KBTBD11: variants seen among roughly 807,000 people sequenced by gnomAD.
The protein encoded by KBTBD11 is kelch repeat and BTB domain-containing protein 11.
For synonymous variants in KBTBD11, 747 were observed against 499.0 expected, an observed-to-expected ratio of 1.50 and a Z score of -6.63; for missense variants, 1,390 against 1,001.8, an observed-to-expected ratio of 1.39 and a Z score of -5.23.
Position 2,001,709 on chromosome 8 carries a change from G to A in KBTBD11, c.517G>A (p.Val173Met). The A allele has an allele frequency of 1.4e-6, 2 of 1,425,480 alleles. No homozygotes were observed. Among genetic ancestry groups the A allele is most frequent in the African/African-American group, 1.5e-5 (1 of 66,852 alleles). The allele number at this position is 1,425,480 out of a possible 1,614,324, so 88.3% of individuals were successfully genotyped here. A position where few individuals can be genotyped will look rare whatever the true frequency, so the allele number is the denominator to read the frequency against. ...DYFRARASRD[V>M]LRVQGVSLTA... The stretch of plus-strand genomic sequence containing the variant: ...CTTCCGCGCGCGCGCGTCGCGGGAC[G>A]TGCTGCGGGTGCAGGGAGTGAGCCT... Residue 173 changes from valine to methionine, a missense_variant, in exon 2 of 2, where the codon GTG becomes ATG. Val to Met is a conservative substitution (Grantham distance 21). Transcript: ENST00000320248.
intron 1 of KBTBD11, among the ~76,000 whole-genome samples, chr8:1,993,391 G>GTCCATCCA (rs1204845271): frequency 1.0e-4 from 10 of 97,894 alleles, no homozygotes; most frequent in African/African-American, 1.4e-4. Context: ...CCGTCCGTCC[G>GTCCATCCA]TCCATCCATC....
Position 2,002,395 on chromosome 8 carries a change from G to A in KBTBD11, c.1203G>A (p.Ala401=), listed in dbSNP as rs774036238. 30 of 1,479,226 alleles carry A rather than the reference G, an allele frequency of 2.0e-5. 1 individual carries two copies. In the South Asian group the frequency reaches 3.4e-4, roughly 17 times the overall value. The allele number at this position is 1,479,226 out of a possible 1,614,324, so 91.6% of individuals were successfully genotyped here. A position where few individuals can be genotyped will look rare whatever the true frequency, so the allele number is the denominator to read the frequency against. ...GCGCCGTGAGGCCCCTGCGCCAGGCGCGCTCGCAGCTGCGGCTGCTGGCCC... is the reference window on the plus strand; with the variant it reads ...GCGCCGTGAGGCCCCTGCGCCAGGCACGCTCGCAGCTGCGGCTGCTGGCCC... ...SWSAVRPLRQ[A]RSQLRLLALD... Residue 401 remains alanine (A), a synonymous_variant, in exon 2 of 2, where the codon GCG becomes GCA. Transcript: ENST00000320248. This position sits in a 1 kb window ranked among gnomAD's most constrained non-coding sequence, Gnocchi z 4.1.
Position 2,000,926 on chromosome 8 carries a change from T to G in KBTBD11, c.-267T>G. Reference sequence around the variant, plus strand: ...CATTCACCAAGACTTTCTGGGCAGATTTAAAGTGGCTGGGGTTCAGAAGTT... The same window carrying G: ...CATTCACCAAGACTTTCTGGGCAGAGTTAAAGTGGCTGGGGTTCAGAAGTT... On this transcript the variant is annotated 5_prime_UTR_variant, in exon 2 of 2. Transcript: ENST00000320248. The G allele has an allele frequency of 2.1e-5, 8 of 380,740 alleles. No individual in the cohort carries two copies. Among genetic ancestry groups the G allele is most frequent in the East Asian group, 3.8e-5 (1 of 26,004 alleles). The allele number at this position is 380,740 out of a possible 1,614,324, so 23.6% of individuals were successfully genotyped here. A position where few individuals can be genotyped will look rare whatever the true frequency, so the allele number is the denominator to read the frequency against.
In KBTBD11 at chr8:2,001,298, A is replaced by G; in HGVS notation, c.106A>G (p.Ser36Gly). Residue 36 changes from serine (S) to glycine (G), a missense_variant, in exon 2 of 2, where the codon AGT becomes GGT. Physicochemically the swap from Ser to Gly is moderately conservative, Grantham distance 56. Transcript: ENST00000320248. ...GAASPAQTPC[S>G]LGASLCFSSG... ...CGCGTCCCCGGCGCAGACACCCTGCAGTCTCGGCGCGTCCCTGTGCTTCAG... is the reference window on the plus strand; with the variant it reads ...CGCGTCCCCGGCGCAGACACCCTGCGGTCTCGGCGCGTCCCTGTGCTTCAG... The G allele has an allele frequency of 2.6e-6, 4 of 1,525,034 alleles. No homozygotes were observed. The highest frequency in any genetic ancestry group is 3.5e-6 in the Non-Finnish European group (4 of 1,144,662). 94.5% of individuals were successfully genotyped at this position (1,525,034 alleles called of 1,614,324 possible). A position where few individuals can be genotyped will look rare whatever the true frequency, so the allele number is the denominator to read the frequency against.
Position 1,981,353 on chromosome 8 carries a change from A to G in KBTBD11, c.-909+7418A>G, listed in dbSNP as rs1424658216. Reference sequence around the variant, plus strand: ...GTAACATGAAAACATTGAAAAGTGTAAAATTCACTGGTAAATGTAAGTACA... The same window carrying G: ...GTAACATGAAAACATTGAAAAGTGTGAAATTCACTGGTAAATGTAAGTACA... On this transcript the variant is annotated intron_variant, in intron 1 of 1. Transcript: ENST00000320248. 2.6e-5 allele frequency among the ~76,000 whole-genome samples: 4 copies of G among 152,358 alleles called. No individual in the cohort carries two copies. In the East Asian group the frequency reaches 7.7e-4, roughly 29 times the overall value.
chr8:1,977,011 G>A (rs1294206901), intron 1 of KBTBD11, among the ~76,000 whole-genome samples: 2 of 152,130 alleles, frequency 1.3e-5, no homozygotes, highest in Non-Finnish European at 2.9e-5. Flanking sequence ...TGGGCCACGA[G>A]CCACATGTGG....
In KBTBD11 at chr8:2,001,440, C is replaced by T; in HGVS notation, c.248C>T (p.Ala83Val). 3 of 1,352,690 alleles carry T rather than the reference C, an allele frequency of 2.2e-6. No individual in the cohort carries two copies. Among genetic ancestry groups the T allele is most frequent in the African/African-American group, 1.5e-5 (1 of 64,940 alleles). 83.8% of individuals were successfully genotyped at this position (1,352,690 alleles called of 1,614,324 possible). ...VVERQWEAGSAGAASPEELAS... is the reference protein window; with the variant it reads ...VVERQWEAGSVGAASPEELAS... ...GAGCGGCAGTGGGAGGCCGGCAGCG[C>T]GGGCGCCGCGTCCCCGGAGGAGCTC... The change falls in exon 2 of 2, where the codon GCG becomes GTG. Residue 83 changes from alanine to valine, a missense_variant. Coordinates refer to ENST00000320248, the MANE Select transcript of KBTBD11 (RefSeq NM_014867.3).
At chr8:1,996,220 G>T (rs1272471878) in intron 1 of KBTBD11, among the ~76,000 whole-genome samples, 1 of 152,172 alleles carries the variant, frequency 6.6e-6, no homozygotes, top group Admixed American at 6.5e-5. Flanking sequence ...GGGACGCTGT[G>T]GTCTAACAGG....
intron 1 of KBTBD11, among the ~76,000 whole-genome samples, chr8:1,995,997 C>T (rs981515069): frequency 3.9e-5 from 6 of 152,174 alleles, no homozygotes; most frequent in Non-Finnish European, 7.3e-5. Flanking sequence ...GTCCTCCAGC[C>T]TGGATGACAG....
chr8:1,998,729 G>T (rs1320660438), intron 1 of KBTBD11, among the ~76,000 whole-genome samples: 1 of 152,236 alleles, frequency 6.6e-6, no homozygotes, highest in Non-Finnish European at 1.5e-5. Context: ...CAGACATGAG[G>T]TTCATGTGTA....
Position 2,002,468 on chromosome 8 carries a change from G to A in KBTBD11, c.1276G>A (p.Glu426Lys), listed in dbSNP as rs1277559879. ...AVGGECLLSV[E>K]RYDPRADRWA... ...GGGCGGCGAGTGCCTGCTCAGCGTG[G>A]AGCGCTACGACCCGCGCGCCGACCG... Residue 426 changes from glutamate to lysine, a missense_variant, in exon 2 of 2, where the codon GAG becomes AAG. By Grantham distance (56) the Glu-to-Lys change is moderately conservative. Transcript: ENST00000320248. This position sits in a 1 kb window ranked among gnomAD's most constrained non-coding sequence, Gnocchi z 4.1. 6.6e-7 allele frequency: 1 copy of A among 1,511,516 alleles called. No individual in the cohort carries two copies. Among genetic ancestry groups the A allele is most frequent in the East Asian group, 2.6e-5 (1 of 38,474 alleles). 93.6% of individuals were successfully genotyped at this position (1,511,516 alleles called of 1,614,324 possible).
chr8:2,002,401 G>C lies in KBTBD11; in HGVS notation c.1209G>C (p.Ser403=). 1.4e-6 allele frequency: 2 copies of C among 1,479,668 alleles called. No individual in the cohort carries two copies. Among genetic ancestry groups the C allele is most frequent in the Admixed American group, 2.3e-5 (1 of 44,060 alleles). 91.7% of individuals were successfully genotyped at this position (1,479,668 alleles called of 1,614,324 possible). A position where few individuals can be genotyped will look rare whatever the true frequency, so the allele number is the denominator to read the frequency against. The change falls in exon 2 of 2, where the codon TCG becomes TCC. Residue 403 remains serine, a synonymous_variant. Transcript: ENST00000320248. This position sits in a 1 kb window ranked among gnomAD's most constrained non-coding sequence, Gnocchi z 4.1. Reference sequence around the variant, plus strand: ...TGAGGCCCCTGCGCCAGGCGCGCTCGCAGCTGCGGCTGCTGGCCCTGGACG... The same window carrying C: ...TGAGGCCCCTGCGCCAGGCGCGCTCCCAGCTGCGGCTGCTGGCCCTGGACG... ...SAVRPLRQAR[S]QLRLLALDGH... is the part of the protein sequence containing the mutation.
chr8:1,981,662 A>G (rs1462741897), intron 1 of KBTBD11, among the ~76,000 whole-genome samples: 1 of 152,170 alleles, frequency 6.6e-6, no homozygotes, highest in Admixed American at 6.5e-5. Context: ...GATAGAAGAA[A>G]ATGGCAGAAG....
chr8:1,998,974 T>A (rs551780137), intron 1 of KBTBD11, among the ~76,000 whole-genome samples: 4 of 152,338 alleles, frequency 2.6e-5, no homozygotes, highest in South Asian at 2.1e-4. Context: ...TGGGCATGGC[T>A]GGGTGAACAC....
intron 1 of KBTBD11, among the ~76,000 whole-genome samples, chr8:1,985,947 C>G (rs994735977): frequency 1.3e-5 from 2 of 152,228 alleles, no homozygotes; most frequent in African/African-American, 4.8e-5. Flanking sequence ...GGTTTTGCAT[C>G]CACACTCCCG....
chr8:1,993,520 C>T (rs367804564), intron 1 of KBTBD11, among the ~76,000 whole-genome samples: 10,401 of 117,470 alleles, frequency 0.089, 935 homozygotes, highest in Non-Finnish European at 0.12. Context: ...CATCCATCCA[C>T]CCATCCATCC....
chr8:1,995,189 G>A (rs187617468), intron 1 of KBTBD11, among the ~76,000 whole-genome samples: 110 of 151,786 alleles, frequency 7.2e-4, no homozygotes, highest in Non-Finnish European at 1.1e-3. Flanking sequence ...AAACTCCACC[G>A]TGCTGTAGAC....
At chr8:1,990,138 G>C (rs548812476) in intron 1 of KBTBD11, among the ~76,000 whole-genome samples, 1 of 152,366 alleles carries the variant, frequency 6.6e-6, no homozygotes, top group South Asian at 2.1e-4. Flanking sequence ...TGAGCTGTGA[G>C]ACTGAAATGG....
intron 1 of KBTBD11, among the ~76,000 whole-genome samples, chr8:1,982,020 C>G (rs1197157295): frequency 1.3e-5 from 2 of 152,164 alleles, no homozygotes; most frequent in African/African-American, 4.8e-5. Flanking sequence ...TCTGTTGGTT[C>G]TGCTTCTCTG....
Sources: allele counts gnomAD v4.1 joint callset (sites outside exome capture counted in the v4.1 genomes callset), GRCh38; gene constraint gnomAD v4.1.1; non-coding constraint Gnocchi (gnomAD v3.1); transcripts MANE v1.5; gene names NCBI Gene and HGNC (gene_info 2026-07-23, HGNC 2026-07-21).